Variants in CCDC141 observed in about 807,000 individuals in gnomAD.
CCDC141 encodes coiled-coil domain-containing protein 141.
CCDC141 carries 168 observed loss-of-function variants against 181.0 expected under a neutral mutation model. The ratio of observed to expected loss-of-function variants is 0.93; its 90% confidence interval spans 0.82 to 1.05. The LOEUF (loss-of-function observed/expected upper bound fraction) is 1.05. CCDC141 is among the 50% of genes least tolerant of loss of function. The pLI is 0.00. For missense variants in CCDC141, 1,902 were observed against 1,788.5 expected, an observed-to-expected ratio of 1.06 and a Z score of -1.14; for synonymous variants, 666 against 642.3, an observed-to-expected ratio of 1.04 and a Z score of -0.56.
chr2:178,893,396 C>G (rs1047425655), intron 8 of CCDC141, among the ~76,000 whole-genome samples: 42 of 152,126 alleles, frequency 2.8e-4, no homozygotes, highest in African/African-American at 9.4e-4. Context: ...TGAAGAATGG[C>G]AAGTTGCTTT....
chr2:178,973,911 A>G (rs550841989), intron 4 of CCDC141, among the ~76,000 whole-genome samples: 1 of 152,298 alleles, frequency 6.6e-6, no homozygotes, highest in South Asian at 2.1e-4. Context: ...CTAGATTACT[A>G]CTGCTGTATA....
intron 2 of CCDC141, among the ~76,000 whole-genome samples, chr2:179,007,423 A>G (rs992837338): frequency 6.6e-6 from 1 of 152,200 alleles, no homozygotes; most frequent in Non-Finnish European, 1.5e-5. Context: ...ACCTCTGTTT[A>G]TCAAAAGTAT....
intron 6 of CCDC141, among the ~76,000 whole-genome samples, chr2:178,920,447 T>G (rs1688634723): frequency 6.6e-6 from 1 of 152,130 alleles, no homozygotes; most frequent in African/African-American, 2.4e-5. Flanking sequence ...AAATGGCTTG[T>G]GTGGTGGCTC....
At chr2:178,862,051 T>C (rs1218288972) in intron 17 of CCDC141, among the ~76,000 whole-genome samples, 1 of 152,228 alleles carries the variant, frequency 6.6e-6, no homozygotes, top group Non-Finnish European at 1.5e-5. Context: ...TTATTGCGTA[T>C]GTGTCTATAG....
At position 178,853,630 on chromosome 2, in the gene CCDC141, T is replaced by G; in HGVS notation, c.3061-6A>C. On this transcript the variant is annotated splice_region_variant and splice_polypyrimidine_tract_variant and intron_variant, in intron 19 of 23. Coordinates refer to ENST00000443758, the MANE Select transcript of CCDC141 (RefSeq NM_173648.4). ...TCTTCGTACCAAAAATGACACTAAA[T>G]TTAAATGGGATAAAGCACAGATGAA... 1 of 1,610,384 alleles carries G rather than the reference T, an allele frequency of 6.2e-7. No homozygotes were observed. The highest frequency in any genetic ancestry group is 8.5e-7 in the Non-Finnish European group (1 of 1,177,652).
At position 178,981,667 on chromosome 2, in the gene CCDC141, TATAC is replaced by T. The variant is rs1559024771; in HGVS notation, c.226-2996_226-2993del. Among the ~76,000 whole-genome samples, 10 of 102,178 alleles carry T rather than the reference TATAC, an allele frequency of 9.8e-5. No individual in the cohort carries two copies. In the East Asian group the frequency reaches 2.1e-3, roughly 22 times the overall value. 67.0% of individuals were successfully genotyped at this position (102,178 alleles called of 152,430 possible). A position where few individuals can be genotyped will look rare whatever the true frequency, so the allele number is the denominator to read the frequency against. On this transcript the variant is annotated intron_variant, in intron 2 of 23. Transcript: ENST00000443758. ...ATATATATATATATATACATACATA[TATAC>T]ATATATATATATAGAGAGAGAGAGA...
chr2:179,008,691 G>A (rs901845183), intron 2 of CCDC141, among the ~76,000 whole-genome samples: 2 of 152,120 alleles, frequency 1.3e-5, no homozygotes, highest in Non-Finnish European at 2.9e-5. Context: ...ATATTCTGGG[G>A]TGGAAAAATC....
chr2:178,946,652 TA>T (rs1339085329), intron 5 of CCDC141, among the ~76,000 whole-genome samples: 2 of 152,138 alleles, frequency 1.3e-5, no homozygotes, highest in African/African-American at 4.8e-5. Flanking sequence ...ATAATCTTAT[TA>T]AACTTTGTGA....
At chr2:178,819,429 C>T in the CCDC141 span, among the ~76,000 whole-genome samples, 921 of 152,086 alleles carry the variant, frequency 6.1e-3, 17 homozygotes, top group African/African-American at 0.021. Flanking sequence ...TTAAGAAGAA[C>T]AAAAATAAGA....
intron 6 of CCDC141, among the ~76,000 whole-genome samples, chr2:178,923,105 T>A (rs997793309): frequency 6.6e-6 from 1 of 151,108 alleles, no homozygotes; most frequent in East Asian, 2.0e-4. Flanking sequence ...TATTTTTTTT[T>A]TTTCTTTTTT....
intron 6 of CCDC141, among the ~76,000 whole-genome samples, chr2:178,928,526 G>C (rs1325508735): frequency 6.6e-6 from 1 of 151,902 alleles, no homozygotes; most frequent in African/African-American, 2.4e-5. Flanking sequence ...CATGCTTTCC[G>C]GGACATTTTA....
chr2:179,049,009 A>C (rs2043591233), intron 1 of CCDC141, among the ~76,000 whole-genome samples: 1 of 152,228 alleles, frequency 6.6e-6, no homozygotes, highest in African/African-American at 2.4e-5. Context: ...CTTGTTTGCC[A>C]GCTTTCCCTT....
At chr2:178,940,043 A>G (rs1309361003) in intron 6 of CCDC141, among the ~76,000 whole-genome samples, 1 of 152,262 alleles carries the variant, frequency 6.6e-6, no homozygotes, top group African/African-American at 2.4e-5. Flanking sequence ...ATCTTAAGAT[A>G]TGAGGAAATA....
At chr2:178,916,703 G>GA (rs1688464051) in intron 7 of CCDC141, among the ~76,000 whole-genome samples, 1 of 152,132 alleles carries the variant, frequency 6.6e-6, no homozygotes, top group Admixed American at 6.5e-5. Context: ...TGAAAAGGGA[G>GA]AAAGGATTCT....
At chr2:178,898,537 T>C (rs1687523426) in intron 8 of CCDC141, among the ~76,000 whole-genome samples, 2 of 152,172 alleles carry the variant, frequency 1.3e-5, no homozygotes, top group African/African-American at 4.8e-5. Context: ...GTGACAGATA[T>C]TGTACTCCAA....
At chr2:178,872,991 T>C (rs1686188061) in intron 12 of CCDC141, 1 of 152,160 alleles carries the variant, frequency 6.6e-6, no homozygotes, top group Non-Finnish European at 1.5e-5. Context: ...GAAATTCAAT[T>C]AGAGGTAAAA....
At chr2:178,856,453 C>T (rs1685391729) in intron 17 of CCDC141, 56 bp from the exon 18 acceptor site, 1 of 1,339,904 alleles carries the variant, frequency 7.5e-7, no homozygotes, top group East Asian at 2.3e-5. Flanking sequence ...AACAAAGTCA[C>T]TTGCAATAAA....
intron 6 of CCDC141, among the ~76,000 whole-genome samples, chr2:178,938,299 G>C (rs535308779): frequency 6.6e-6 from 1 of 152,130 alleles, no homozygotes; most frequent in East Asian, 1.9e-4. Context: ...TTGTATCTTT[G>C]TTCTCATTAG....
At position 178,938,291 on chromosome 2, in the gene CCDC141, G is replaced by T. The variant is rs569615047; in HGVS notation, c.897+6244C>A. Among the ~76,000 whole-genome samples the T allele has an allele frequency of 7.2e-5, 11 of 152,186 alleles. No homozygotes were observed. In the South Asian group the frequency reaches 2.1e-3, roughly 29 times the overall value. On this transcript the variant is annotated intron_variant, in intron 6 of 23. Transcript: ENST00000443758. ...TGTGTCCCAGAGATTCTAGTATGTT[G>T]TATCTTTGTTCTCATTAGTTCCAAA...
Sources: allele counts gnomAD v4.1 joint callset (sites outside exome capture counted in the v4.1 genomes callset), GRCh38; gene constraint gnomAD v4.1.1; transcripts MANE v1.5; gene names NCBI Gene and HGNC (gene_info 2026-07-23, HGNC 2026-07-21).